The following CLIC5 variants were observed in gnomAD, a reference collection of about 807,000 sequenced individuals.
CLIC5 encodes CLIC family member 5, also known as chloride intracellular channel protein 5.
Under a neutral mutation model 24.7 loss-of-function variants are expected in CLIC5, and 20 were observed. The ratio of observed to expected loss-of-function variants is 0.81; its 90% CI spans 0.57 to 1.18. CLIC5 has a LOEUF of 1.18. Ranked by LOEUF, CLIC5 falls within the 50% of genes most tolerant of loss-of-function variation. CLIC5 has a pLI of 0.00. For missense variants in CLIC5, 341 were observed against 326.1 expected (o/e 1.05, Z -0.35); for synonymous variants, 159 against 135.6 (o/e 1.17, Z -1.20).
At chr6:45,992,257 G>A (rs971399067) in intron 1 of CLIC5, among the ~76,000 whole-genome samples, 2 of 152,190 alleles carry the variant, frequency 1.3e-5, no homozygotes, top group African/African-American at 4.8e-5. Flanking sequence ...CCCACACGTA[G>A]GAGATGCTCA....
the CLIC5 span, among the ~76,000 whole-genome samples, chr6:46,121,279 A>C: frequency 6.6e-6 from 1 of 152,252 alleles, no homozygotes; most frequent in Admixed American, 6.5e-5. Flanking sequence ...CCAATATTCA[A>C]CATTCTTAAA....
chr6:46,018,525 T>C (rs1246404291), upstream of CLIC5, among the ~76,000 whole-genome samples: 1 of 152,242 alleles, frequency 6.6e-6, no homozygotes, highest in Non-Finnish European at 1.5e-5. Context: ...CATAAACTAT[T>C]TCTGTGCATA....
At chr6:45,928,468 C>A (rs1763590495) in intron 4 of CLIC5, among the ~76,000 whole-genome samples, 1 of 152,162 alleles carries the variant, frequency 6.6e-6, no homozygotes. Context: ...ACGTCCTAAC[C>A]ACAGACAAGG....
chr6:46,091,141 T>C, the CLIC5 span, among the ~76,000 whole-genome samples: 1 of 152,176 alleles, frequency 6.6e-6, no homozygotes, highest in African/African-American at 2.4e-5. Context: ...ATTTAATTTG[T>C]TTAAGGTATT....
At chr6:45,935,660 C>T (rs79352597) in intron 4 of CLIC5, among the ~76,000 whole-genome samples, 34 of 152,316 alleles carry the variant, frequency 2.2e-4, no homozygotes, top group Non-Finnish European at 3.8e-4. Flanking sequence ...GATGCTCTTT[C>T]GCAGGACCAC....
upstream of CLIC5, among the ~76,000 whole-genome samples, chr6:46,084,807 C>G (rs573454357): frequency 5.2e-4 from 79 of 152,308 alleles, no homozygotes; most frequent in Non-Finnish European, 7.8e-4. Context: ...TTTCCTGAAT[C>G]TGAATGTTGG....
chr6:45,965,893 A>G (rs1765001599), intron 1 of CLIC5, among the ~76,000 whole-genome samples: 1 of 152,238 alleles, frequency 6.6e-6, no homozygotes, highest in South Asian at 2.1e-4. Flanking sequence ...TGCAATTCCT[A>G]TAATCCTCAT....
At chr6:46,118,425 T>C in the CLIC5 span, among the ~76,000 whole-genome samples, 2 of 152,114 alleles carry the variant, frequency 1.3e-5, no homozygotes, top group Non-Finnish European at 2.9e-5. Flanking sequence ...ATTTTGAAGG[T>C]GAAAGGGGGC....
chr6:45,978,674 A>G (rs1765465636), intron 1 of CLIC5, among the ~76,000 whole-genome samples: 1 of 152,140 alleles, frequency 6.6e-6, no homozygotes, highest in African/African-American at 2.4e-5. Flanking sequence ...AATAATTATG[A>G]GGCTGGGCGC....
intron 4 of CLIC5, among the ~76,000 whole-genome samples, chr6:45,929,156 C>T (rs926604244): frequency 6.6e-6 from 1 of 152,094 alleles, no homozygotes; most frequent in African/African-American, 2.4e-5. Context: ...ATTCAACAGG[C>T]CACGCCACCA....
At chr6:45,894,401 T>G (rs1440412591), downstream of CLIC5, among the ~76,000 whole-genome samples, 1 of 152,200 alleles carries the variant, frequency 6.6e-6, no homozygotes, top group Non-Finnish European at 1.5e-5. Context: ...TACTTCATTA[T>G]AGCATCAATT....
At chr6:46,025,457 C>T (rs939848348) in intron 1 of CLIC5, among the ~76,000 whole-genome samples, 4 of 152,122 alleles carry the variant, frequency 2.6e-5, no homozygotes, top group Non-Finnish European at 5.9e-5. Flanking sequence ...AGCTAGAAAG[C>T]GCTAGAGCTG....
At chr6:46,107,398 T>C in the CLIC5 span, among the ~76,000 whole-genome samples, 1 of 152,166 alleles carries the variant, frequency 6.6e-6, no homozygotes, top group Non-Finnish European at 1.5e-5. Flanking sequence ...CTAGGAGGAG[T>C]TGGATCCTCC....
chr6:45,882,804 G>A (rs1353032590), intron 6 of CLIC5, among the ~76,000 whole-genome samples: 1 of 152,168 alleles, frequency 6.6e-6, no homozygotes, highest in Non-Finnish European at 1.5e-5. Context: ...TGTGGTAAAT[G>A]TTTAACTCCC....
At chr6:45,967,910 G>A (rs537170572) in intron 1 of CLIC5, among the ~76,000 whole-genome samples, 1 of 152,256 alleles carries the variant, frequency 6.6e-6, no homozygotes, top group South Asian at 2.1e-4. Flanking sequence ...CCAACCCCAT[G>A]ATCCAAACAC....
chr6:45,978,697 C>T (rs565865490), intron 1 of CLIC5, among the ~76,000 whole-genome samples: 1 of 152,194 alleles, frequency 6.6e-6, no homozygotes, highest in East Asian at 1.9e-4. Context: ...TGGCTCATGC[C>T]TGTAATCCCA....
exon 1 of CLIC5, chr6:46,080,278 C>T (rs1359048396): frequency 6.7e-7 from 1 of 1,502,760 alleles, no homozygotes; most frequent in Admixed American, 2.1e-5. Flanking sequence ...ACAGGGAGAC[C>T]TGAGTAGATC....
At chr6:45,922,083 C>G (rs146130775) in intron 4 of CLIC5, among the ~76,000 whole-genome samples, 9 of 152,316 alleles carry the variant, frequency 5.9e-5, no homozygotes, top group East Asian at 1.9e-4. Flanking sequence ...ACTGTTCCCT[C>G]GTGTGGCGTC....
chr6:46,083,573 A>C (rs943052799), upstream of CLIC5, among the ~76,000 whole-genome samples: 3 of 152,060 alleles, frequency 2.0e-5, no homozygotes, highest in Non-Finnish European at 4.4e-5. Flanking sequence ...GTTTCCATGT[A>C]GTTGAGCAGT....
Sources: gnomAD v4.1 joint callset for allele counts (sites outside exome capture counted in the v4.1 genomes callset) on GRCh38, gnomAD v4.1.1 for gene constraint, MANE v1.5 for transcripts, NCBI Gene and HGNC (gene_info 2026-07-23, HGNC 2026-07-21) for gene names.